The following PSG8 variants were observed in gnomAD, a reference collection of about 807,000 sequenced individuals.
PSG8 encodes pregnancy specific beta-1-glycoprotein 8, also known as pregnancy-specific beta-1-glycoprotein 8.
In PSG8, 57 loss-of-function variants were observed where a neutral mutation model predicts 42.5. The observed-to-expected ratio is 1.34, with a 90% CI of 1.08 to 1.67. The LOEUF is 1.67. PSG8 is among the 40% of genes most tolerant of loss of function. The pLI is 0.00. For missense variants in PSG8, 783 were observed against 518.6 expected (o/e 1.51, Z -4.95); for synonymous variants, 280 against 196.8 (o/e 1.42, Z -3.54).
intron 1 of PSG8, among the ~76,000 whole-genome samples, chr19:42,764,753 C>T (rs1419464563): frequency 1.3e-5 from 2 of 152,090 alleles, no homozygotes; most frequent in African/African-American, 2.4e-5. Flanking sequence ...TCTGTCTTCC[C>T]CTCCATGACA....
chr19:42,754,006 C>T (rs774563065), downstream of PSG8: 8 of 773,786 alleles, frequency 1.0e-5, no homozygotes, highest in South Asian at 4.7e-5. Context: ...AGAAAAATTC[C>T]GTCAATGTAG....
intron 3 of PSG8, among the ~76,000 whole-genome samples, chr19:42,757,731 T>A (rs577535729): frequency 6.6e-6 from 1 of 152,294 alleles, no homozygotes; most frequent in Admixed American, 6.5e-5. Flanking sequence ...CCCAGCTGTG[T>A]TCACTGATCT....
At chr19:42,757,531 G>C (rs1969956559) in intron 3 of PSG8, among the ~76,000 whole-genome samples, 1 of 152,094 alleles carries the variant, frequency 6.6e-6, no homozygotes, top group Non-Finnish European at 1.5e-5. Flanking sequence ...AGGCAGGAGA[G>C]CTTGGGGACT....
chr19:42,757,139 T>C (rs1409266938), intron 3 of PSG8, among the ~76,000 whole-genome samples: 1 of 152,118 alleles, frequency 6.6e-6, no homozygotes, highest in Non-Finnish European at 1.5e-5. Flanking sequence ...TTCGGATTGT[T>C]CATTGTTAGT....
Position 42,764,948 on chromosome 19 carries a change from T to C in PSG8, c.64+570A>G, listed in dbSNP as rs1314924626. On this transcript the variant is annotated intron_variant, in intron 1 of 4. Coordinates refer to ENST00000306511, the MANE Select transcript of PSG8 (RefSeq NM_182707.3). ...GTTTCATGCCCTGTGTATATTTTTA[T>C]GTGAAGTGTCATCTGATACAGTTAT... is the stretch of plus-strand genomic sequence containing the variant. 3.3e-5 allele frequency among the ~76,000 whole-genome samples: 5 copies of C among 152,070 alleles called. No individual in the cohort carries two copies. The South Asian group carries it at 6.2e-4, about 19-fold the overall frequency.
At chr19:42,754,133 G>T, downstream of PSG8, 2 of 1,371,872 alleles carry the variant, frequency 1.5e-6, no homozygotes, top group Non-Finnish European at 2.0e-6. Context: ...TCTAGGCTGG[G>T]AATTTTATGA....
downstream of PSG8, chr19:42,752,960 G>A (rs1353560186): frequency 1.1e-5 from 4 of 374,276 alleles, no homozygotes; most frequent in Non-Finnish European, 1.9e-5. Flanking sequence ...TTTGGGTTGA[G>A]ATGACATATC....
At chr19:42,762,162 G>C (rs1283367594) in intron 2 of PSG8, among the ~76,000 whole-genome samples, 2 of 151,730 alleles carry the variant, frequency 1.3e-5, no homozygotes, top group African/African-American at 2.4e-5. Context: ...GCCTAGGGGT[G>C]GGGGAAGAAG....
chr19:42,755,035 T>A lies in PSG8; in HGVS notation c.941A>T (p.Asp314Val), dbSNP rs769974448. 6 of 1,613,018 alleles carry A rather than the reference T, an allele frequency of 3.7e-6. No homozygotes were observed. In the African/African-American group the frequency reaches 6.7e-5, roughly 18 times the overall value. ...ETGPYQCEIR[D>V]QYGGIRSYPV... Reference sequence around the variant, plus strand: ...GTAACTGCGGATGCCACCATATTGGTCCCTTATTTCACATTGATAGGGTCC... The same window carrying A: ...GTAACTGCGGATGCCACCATATTGGACCCTTATTTCACATTGATAGGGTCC... Residue 314 changes from aspartate to valine, a missense_variant, in exon 4 of 5, where the codon GAC becomes GTC. By Grantham distance (152) the Asp-to-Val change is radical. Transcript: ENST00000306511.
At position 42,763,896 on chromosome 19, in the gene PSG8, G is replaced by C. The variant is rs375085910; in HGVS notation, c.430+20C>G. ...TGACCCCTGTCCCCCAACACCCAGGGATCATGTGGAATCACTCACGATATA... is the reference window on the plus strand; with the variant it reads ...TGACCCCTGTCCCCCAACACCCAGGCATCATGTGGAATCACTCACGATATA... On this transcript the variant is annotated intron_variant, in intron 2 of 4. Coordinates refer to ENST00000306511, the MANE Select transcript of PSG8 (RefSeq NM_182707.3). 1 of 1,613,482 alleles carries C rather than the reference G, an allele frequency of 6.2e-7. No individual in the cohort carries two copies. Among genetic ancestry groups the C allele is most frequent in the Non-Finnish European group, 8.5e-7 (1 of 1,179,708 alleles).
In PSG8 at chr19:42,755,192, A is replaced by G; in HGVS notation, c.784T>C (p.Cys262Arg). The change falls in exon 4 of 5, where the codon TGT becomes CGT. Residue 262 changes from cysteine (C) to arginine (R), a missense_variant. Physicochemically the swap from Cys to Arg is radical, Grantham distance 180. Transcript: ENST00000306511. The stretch of plus-strand genomic sequence containing the variant: ...GTGTAGTTCTCACTCTTAGGTTCAC[A>G]GGTGAAGTTTAAGACATCCTTATTC... ...RENKDVLNFT[C>R]EPKSENYTYI... 6.2e-7 allele frequency: 1 copy of G among 1,611,830 alleles called. No homozygotes were observed. Among genetic ancestry groups the G allele is most frequent in the Non-Finnish European group, 8.5e-7 (1 of 1,179,770 alleles).
intron 1 of PSG8, 39 bp downstream of exon 1, chr19:42,765,479 T>C (rs1273111817): frequency 1.2e-6 from 2 of 1,606,930 alleles, no homozygotes; most frequent in Admixed American, 3.3e-5. Context: ...GTCACTCTGC[T>C]TCCTCCTCCT....
intron 2 of PSG8, among the ~76,000 whole-genome samples, chr19:42,760,547 T>A (rs1970047464): frequency 6.6e-6 from 1 of 152,146 alleles, no homozygotes; most frequent in Non-Finnish European, 1.5e-5. Context: ...GTGTGCAGTC[T>A]ACCAGTAAGC....
chr19:42,758,084 C>T lies in PSG8; in HGVS notation c.627G>A (p.Lys209=), dbSNP rs377706171. ...NRTLFLLGVT[K]YTAGPYECEI... Reference sequence around the variant, plus strand: ...CACATTCATAGGGTCCTGCAGTGTACTTTGTGACACCCAATAGAAAGAGGG... The same window carrying T: ...CACATTCATAGGGTCCTGCAGTGTATTTTGTGACACCCAATAGAAAGAGGG... The change falls in exon 3 of 5, where the codon AAG becomes AAA. Residue 209 remains lysine (K), a synonymous_variant. Transcript: ENST00000306511. 12 of 1,614,054 alleles carry T rather than the reference C, an allele frequency of 7.4e-6. No individual in the cohort carries two copies. Among genetic ancestry groups the T allele is most frequent in the Middle Eastern group, 1.7e-4 (1 of 6,054 alleles).
At chr19:42,754,691 C>T (rs1444607337) in intron 4 of PSG8, 104 bp from the exon 5 acceptor site, 2 of 1,398,868 alleles carry the variant, frequency 1.4e-6, no homozygotes, top group East Asian at 4.7e-5. Flanking sequence ...GACACACCCT[C>T]AAGTCCCAGC....
intron 2 of PSG8, among the ~76,000 whole-genome samples, chr19:42,759,295 G>A (rs1014045343): frequency 6.6e-6 from 1 of 152,114 alleles, no homozygotes; most frequent in African/African-American, 2.4e-5. Flanking sequence ...GAATCAGAGA[G>A]TAGAATAGGA....
At chr19:42,761,684 C>T (rs1970077575) in intron 2 of PSG8, among the ~76,000 whole-genome samples, 1 of 152,064 alleles carries the variant, frequency 6.6e-6, no homozygotes, top group African/African-American at 2.4e-5. Context: ...TCCTGTGCTC[C>T]TGAAACTACC....
At chr19:42,758,657 C>A in intron 2 of PSG8, 1 of 246,792 alleles carries the variant, frequency 4.1e-6, no homozygotes. Flanking sequence ...TTCAGTCTTA[C>A]TTTGCCGCCC....
At chr19:42,754,028 T>C, downstream of PSG8, 2 of 911,772 alleles carry the variant, frequency 2.2e-6, no homozygotes, top group Non-Finnish European at 3.3e-6. Context: ...AAACAAACCA[T>C]TTAAAGAATC....
Sources: allele counts gnomAD v4.1 joint callset (sites outside exome capture counted in the v4.1 genomes callset), GRCh38; gene constraint gnomAD v4.1.1; transcripts MANE v1.5; gene names NCBI Gene and HGNC (gene_info 2026-07-23, HGNC 2026-07-21).